The following AFG2A variants were observed in gnomAD, a reference collection of about 807,000 sequenced individuals.
AFG2A encodes the protein AAA ATPase AFG2A.
the AFG2A span, among the ~76,000 whole-genome samples, chr4:123,170,662 T>G: frequency 1.3e-5 from 2 of 152,188 alleles, no homozygotes; most frequent in African/African-American, 4.8e-5. Flanking sequence ...CTTTTTTGAT[T>G]GGTGACATCG....
chr4:123,214,695 A>G, the AFG2A span, among the ~76,000 whole-genome samples: 3 of 152,050 alleles, frequency 2.0e-5, no homozygotes, highest in African/African-American at 7.2e-5. Context: ...TAAAATTATC[A>G]AAACCTACAC....
chr4:123,090,137 G>A, the AFG2A span, among the ~76,000 whole-genome samples: 2 of 152,134 alleles, frequency 1.3e-5, no homozygotes, highest in African/African-American at 4.8e-5. Context: ...CTGTGGATGC[G>A]TAATGAGTTT....
chr4:122,942,584 G>T, the AFG2A span, among the ~76,000 whole-genome samples: 2 of 152,170 alleles, frequency 1.3e-5, no homozygotes, highest in East Asian at 3.9e-4. Context: ...CAAAAAACCA[G>T]CTCCTGGGTT....
the AFG2A span, among the ~76,000 whole-genome samples, chr4:123,088,472 G>A: frequency 1.3e-3 from 191 of 152,298 alleles, 1 homozygote; most frequent in Non-Finnish European, 5.3e-4. Flanking sequence ...GTTTCTACTT[G>A]ACAGTTAAAC....
chr4:123,181,044 G>A, the AFG2A span, among the ~76,000 whole-genome samples: 1 of 149,856 alleles, frequency 6.7e-6, no homozygotes, highest in African/African-American at 2.5e-5. Context: ...GAGTGCAGTG[G>A]CGCGATCTCG....
chr4:123,087,457 A>AT, the AFG2A span, among the ~76,000 whole-genome samples: 1 of 152,268 alleles, frequency 6.6e-6, no homozygotes, highest in South Asian at 2.1e-4. Flanking sequence ...GGGAAAAAAT[A>AT]TTTTCTCTTG....
the AFG2A span, among the ~76,000 whole-genome samples, chr4:123,269,667 T>G: frequency 6.6e-6 from 1 of 152,208 alleles, no homozygotes; most frequent in South Asian, 2.1e-4. Flanking sequence ...AAGTATGAGC[T>G]GAGACAAACA....
chr4:123,158,613 T>A, the AFG2A span, among the ~76,000 whole-genome samples: 1 of 152,154 alleles, frequency 6.6e-6, no homozygotes, highest in Non-Finnish European at 1.5e-5. Flanking sequence ...GGTCAAGAAA[T>A]ACAGAGTACA....
chr4:122,995,503 C>G, the AFG2A span, among the ~76,000 whole-genome samples: 1 of 152,232 alleles, frequency 6.6e-6, no homozygotes, highest in East Asian at 1.9e-4. Context: ...TAGTTTTAAT[C>G]TCCTTAAATA....
At chr4:123,223,913 T>C in the AFG2A span, among the ~76,000 whole-genome samples, 12 of 152,364 alleles carry the variant, frequency 7.9e-5, no homozygotes, top group Non-Finnish European at 1.6e-4. Context: ...GCAGAAACTT[T>C]TTAGTTTGAT....
chr4:123,230,354 G>A, the AFG2A span, among the ~76,000 whole-genome samples: 15 of 151,856 alleles, frequency 9.9e-5, no homozygotes, highest in African/African-American at 7.3e-5. Flanking sequence ...AGATTTCATC[G>A]CAAGAAACCA....
the AFG2A span, among the ~76,000 whole-genome samples, chr4:123,232,287 T>G: frequency 6.6e-6 from 1 of 151,980 alleles, no homozygotes; most frequent in South Asian, 2.1e-4. Context: ...TCTGAGGCAC[T>G]TCAACTTTTA....
the AFG2A span, among the ~76,000 whole-genome samples, chr4:123,000,533 A>T: frequency 6.6e-6 from 1 of 150,698 alleles, no homozygotes; most frequent in African/African-American, 2.4e-5. Context: ...AATTTTGTCA[A>T]AGGCCTTTTC....
At chr4:123,202,583 C>T in the AFG2A span, among the ~76,000 whole-genome samples, 1 of 152,226 alleles carries the variant, frequency 6.6e-6, no homozygotes, top group Middle Eastern at 3.4e-3. Context: ...ATATCAAAAC[C>T]AGGAAATTGT....
the AFG2A span, among the ~76,000 whole-genome samples, chr4:123,118,721 C>T: frequency 3.3e-5 from 5 of 151,930 alleles, 1 homozygote; most frequent in South Asian, 1.0e-3. Flanking sequence ...TATCGTATTT[C>T]CTTTTATGGT....
the AFG2A span, among the ~76,000 whole-genome samples, chr4:122,924,116 C>A: frequency 8.8e-4 from 134 of 152,320 alleles, no homozygotes; most frequent in African/African-American, 3.0e-3. Context: ...TTAGAGTTCA[C>A]ATGGTATTTT....
chr4:123,177,315 C>G, the AFG2A span, among the ~76,000 whole-genome samples: 1 of 151,826 alleles, frequency 6.6e-6, no homozygotes, highest in Admixed American at 6.6e-5. Context: ...GCCTCAGCCT[C>G]CCGAGTAGCT....
chr4:123,185,033 G>C, the AFG2A span, among the ~76,000 whole-genome samples: 1 of 152,136 alleles, frequency 6.6e-6, no homozygotes, highest in Non-Finnish European at 1.5e-5. Context: ...CTCAGGTCTC[G>C]TAACTGCCTG....
At chr4:123,221,706 C>T in the AFG2A span, among the ~76,000 whole-genome samples, 1 of 152,022 alleles carries the variant, frequency 6.6e-6, no homozygotes, top group Non-Finnish European at 1.5e-5. Context: ...GAGCAGATCA[C>T]CTGAAGTCAG....
Sources: allele counts gnomAD v4.1 joint callset (sites outside exome capture counted in the v4.1 genomes callset), GRCh38; gene constraint gnomAD v4.1.1; transcripts MANE v1.5; gene names NCBI Gene and HGNC (gene_info 2026-07-23, HGNC 2026-07-21).